The following SLC38A9 variants were observed in gnomAD, a reference collection of about 807,000 sequenced individuals.
SLC38A9 encodes solute carrier family 38 member 9.
SLC38A9 carries 48 observed loss-of-function variants against 62.3 expected under a neutral mutation model. The ratio of observed to expected loss-of-function variants is 0.77; its 90% CI spans 0.61 to 0.98. The LOEUF (loss-of-function observed/expected upper bound fraction) is 0.98. Among genes scored for constraint, SLC38A9 ranks in the 50% least tolerant of loss-of-function variants. The pLI is 0.00. For missense variants in SLC38A9, 541 were observed against 679.8 expected, an observed-to-expected ratio of 0.80 and a Z score of 2.27; for synonymous variants, 204 against 227.7, an observed-to-expected ratio of 0.90 and a Z score of 0.94.
At chr5:55,680,226 T>TATAGAG (rs776736391) in intron 3 of SLC38A9, among the ~76,000 whole-genome samples, 3 of 151,234 alleles carry the variant, frequency 2.0e-5, no homozygotes, top group African/African-American at 7.3e-5. Context: ...TATATATATA[T>TATAGAG]AGAGAGAGAG....
intron 10 of SLC38A9, among the ~76,000 whole-genome samples, chr5:55,651,826 C>A (rs1231375503): frequency 6.6e-6 from 1 of 151,996 alleles, no homozygotes; most frequent in Non-Finnish European, 1.5e-5. Context: ...CCGTTAGAAT[C>A]AAGAATTCCT....
chr5:55,705,050 C>T (rs751635233), intron 2 of SLC38A9, among the ~76,000 whole-genome samples: 1 of 152,086 alleles, frequency 6.6e-6, no homozygotes, highest in Non-Finnish European at 1.5e-5. Context: ...GTTGGAAGGA[C>T]ATACAAGAAG....
intron 12 of SLC38A9, among the ~76,000 whole-genome samples, chr5:55,636,328 G>A (rs1234467064): frequency 6.6e-6 from 1 of 152,054 alleles, no homozygotes; most frequent in African/African-American, 2.4e-5. Flanking sequence ...CTTCTATTGC[G>A]GTTCCCACCC....
chr5:55,705,492 G>A (rs184155351), intron 2 of SLC38A9, among the ~76,000 whole-genome samples: 177 of 148,834 alleles, frequency 1.2e-3, no homozygotes, highest in African/African-American at 4.1e-3. Context: ...TTGAAGCTCA[G>A]AGAAGTAATT....
At position 55,656,841 on chromosome 5, in the gene SLC38A9, G is replaced by T. The variant is rs772559999; in HGVS notation, c.698-67C>A. On this transcript the variant is annotated intron_variant, in intron 8 of 15. Transcript: ENST00000396865. ...GACACTAAATCTATTACCCTTTAAGGTCTTTTATTTATAAAAATCTTTTTT... is the reference window on the plus strand; with the variant it reads ...GACACTAAATCTATTACCCTTTAAGTTCTTTTATTTATAAAAATCTTTTTT... 3.6e-5 allele frequency: 27 copies of T among 744,682 alleles called. No homozygotes were observed. The South Asian group carries it at 5.6e-4, about 15-fold the overall frequency. The allele number at this position is 744,682 out of a possible 1,614,324, so 46.1% of individuals were successfully genotyped here.
In SLC38A9 at chr5:55,649,278, G is replaced by A. The variant is rs1561333141; in HGVS notation, c.989C>T (p.Thr330Ile). ...AAATCCCAAGCGAACAGCCTTAAAG[G>A]TGACAAGGAAAATCAAATAAAGGAC... The part of the protein sequence containing the change: ...VSVLYLIFLV[T>I]FKAVRLGFHL... The change falls in exon 11 of 16, where the codon ACC (threonine) becomes ATC (isoleucine). Residue 330 changes from threonine (T) to isoleucine (I), a missense_variant. Coordinates refer to ENST00000396865, the MANE Select transcript of SLC38A9 (RefSeq NM_173514.4). The A allele has an allele frequency of 5.0e-6, 8 of 1,607,974 alleles. No individual in the cohort carries two copies. Among genetic ancestry groups the A allele is most frequent in the Non-Finnish European group, 8.5e-7 (1 of 1,177,616 alleles).
At chr5:55,686,112 A>T (rs1753779874) in intron 3 of SLC38A9, among the ~76,000 whole-genome samples, 1 of 152,140 alleles carries the variant, frequency 6.6e-6, no homozygotes, top group Non-Finnish European at 1.5e-5. Flanking sequence ...TTTATAATAT[A>T]ACTATTTATA....
At chr5:55,650,878 G>A (rs946474741) in intron 10 of SLC38A9, among the ~76,000 whole-genome samples, 3 of 151,754 alleles carry the variant, frequency 2.0e-5, no homozygotes, top group African/African-American at 4.8e-5. Context: ...TGCAACCTCC[G>A]CCTCCTGGGT....
intron 8 of SLC38A9, among the ~76,000 whole-genome samples, chr5:55,659,111 G>A (rs868743779): frequency 5.3e-5 from 8 of 151,788 alleles, no homozygotes; most frequent in Admixed American, 1.3e-4. Flanking sequence ...GACAATAGGC[G>A]GGAATGTCTT....
At chr5:55,694,210 A>C in intron 3 of SLC38A9, 1 of 251,792 alleles carries the variant, frequency 4.0e-6, no homozygotes, top group Non-Finnish European at 8.2e-6. Context: ...CCTGTCTCAA[A>C]AAAAAAAAAA....
intron 8 of SLC38A9, among the ~76,000 whole-genome samples, chr5:55,657,103 C>A (rs572666101): frequency 9.7e-4 from 147 of 152,238 alleles, no homozygotes; most frequent in African/African-American, 3.4e-3. Context: ...CTTCGTGATC[C>A]ACCCACCTCG....
At chr5:55,648,439 T>C (rs1479139596) in intron 11 of SLC38A9, among the ~76,000 whole-genome samples, 2 of 152,170 alleles carry the variant, frequency 1.3e-5, no homozygotes, top group African/African-American at 4.8e-5. Context: ...ACAGACTCCT[T>C]CACAAAATGG....
chr5:55,626,641 A>T lies in SLC38A9; in HGVS notation c.1539T>A (p.Cys513Ter). Residue 513 changes from cysteine to a stop codon, truncating the protein, a stop_gained, in exon 16 of 16, where the codon TGT becomes TGA. Coordinates refer to ENST00000396865, the MANE Select transcript of SLC38A9 (RefSeq NM_173514.4). LOFTEE classifies it high-confidence loss of function. ...GGTATATGAATACAAAGGCCAGTCCACATGCTGCTCCTGAATATCTGCAAA... is the reference window on the plus strand; with the variant it reads ...GGTATATGAATACAAAGGCCAGTCCTCATGCTGCTCCTGAATATCTGCAAA... ...GGIIRYSGAA[C>*]GLAFVFIYPS... The T allele has an allele frequency of 2.5e-6, 4 of 1,604,582 alleles. No individual in the cohort carries two copies. The highest frequency in any genetic ancestry group is 3.4e-6 in the Non-Finnish European group (4 of 1,177,024).
chr5:55,700,885 T>C (rs1299552173), intron 2 of SLC38A9, among the ~76,000 whole-genome samples: 2 of 152,208 alleles, frequency 1.3e-5, no homozygotes, highest in African/African-American at 2.4e-5. Flanking sequence ...CTCTGTCTCC[T>C]TTGCTGCTTT....
At position 55,664,756 on chromosome 5, in the gene SLC38A9, C is replaced by T; in HGVS notation, c.634G>A (p.Ala212Thr). ...LLFSLVSLIG[A>T]MIVYWVLMSN... is the part of the protein sequence containing the mutation. ...ATAAGCACCCAATAAACTATCATTG[C>T]TCCAATGAGAGACACCAAGGAGAAA... The change falls in exon 8 of 16, where the codon GCA becomes ACA. Residue 212 changes from alanine to threonine, a missense_variant. By Grantham distance (58) the Ala-to-Thr change is moderately conservative. Transcript: ENST00000396865. 1 of 1,588,556 alleles carries T rather than the reference C, an allele frequency of 6.3e-7. No individual in the cohort carries two copies. Among genetic ancestry groups the T allele is most frequent in the Non-Finnish European group, 8.5e-7 (1 of 1,170,714 alleles).
intron 3 of SLC38A9, among the ~76,000 whole-genome samples, chr5:55,686,018 G>A (rs1753756402): frequency 6.6e-6 from 1 of 152,130 alleles, no homozygotes; most frequent in Non-Finnish European, 1.5e-5. Flanking sequence ...TCTTTATCCA[G>A]TCTATCATTG....
chr5:55,671,502 C>CTTTTTTT (rs145470405), intron 4 of SLC38A9, among the ~76,000 whole-genome samples: 1 of 144,352 alleles, frequency 6.9e-6, no homozygotes. Context: ...GTTTCCCATT[C>CTTTTTTT]TTCTTTTTTT....
chr5:55,666,987 C>T (rs1027996251), intron 7 of SLC38A9, among the ~76,000 whole-genome samples: 4 of 150,532 alleles, frequency 2.7e-5, no homozygotes, highest in African/African-American at 9.8e-5. Flanking sequence ...TGCACTCCAG[C>T]CTGGGTGACA....
rs189137009 is a variant in SLC38A9 at position 55,711,813 on chromosome 5, G to A, written c.-82-314C>T. ...GAGCAAGACCCTATCTCAAGAGAGA[G>A]AAAGAAGGGTGCTCCCATTCCTGCA... On this transcript the variant is annotated intron_variant, in intron 1 of 15. Coordinates refer to ENST00000396865, the MANE Select transcript of SLC38A9 (RefSeq NM_173514.4). Among the ~76,000 whole-genome samples, 7 of 152,300 alleles carry A rather than the reference G, an allele frequency of 4.6e-5. No individual in the cohort carries two copies. In the East Asian group the frequency reaches 1.4e-3, roughly 29 times the overall value.
Sources: allele counts gnomAD v4.1 joint callset (sites outside exome capture counted in the v4.1 genomes callset), GRCh38; gene constraint gnomAD v4.1.1; transcripts MANE v1.5; gene names NCBI Gene and HGNC (gene_info 2026-07-23, HGNC 2026-07-21).